Variants in DMD observed in about 807,000 individuals in gnomAD.
The protein encoded by DMD is mutant dystrophin.
Under a neutral mutation model 330.1 loss-of-function variants are expected in DMD, and 63 were observed. The ratio of observed to expected loss-of-function variants is 0.19; its 90% CI spans 0.16 to 0.24. The LOEUF (loss-of-function observed/expected upper bound fraction) is 0.24, where lower values mean the gene tolerates loss of function less well. Ranked by LOEUF, DMD falls within the 10% of genes least tolerant of loss-of-function variation. DMD has a pLI of 1.00. For missense variants in DMD, 3,344 were observed against 2,684.1 expected, an observed-to-expected ratio of 1.25 and a Z score of -5.43; for synonymous variants, 1,223 against 959.8, an observed-to-expected ratio of 1.27 and a Z score of -5.07.
chrX:31,258,740 A>T (rs1230424075), intron 63 of DMD, among the ~76,000 whole-genome samples: 2 of 112,008 alleles, frequency 1.8e-5, no homozygotes, highest in Non-Finnish European at 3.8e-5. Flanking sequence ...TTATCACCAC[A>T]TCTAAAGTAT....
chrX:32,292,302 C>CTTTTT lies in DMD; in HGVS notation c.6118-4606_6118-4602dup, dbSNP rs10652780. Among the ~76,000 whole-genome samples, 29 of 62,903 alleles carry CTTTTT rather than the reference C, an allele frequency of 4.6e-4. 1 individual carries two copies. Among genetic ancestry groups the CTTTTT allele is most frequent in the African/African-American group, 1.3e-3 (19 of 14,271 alleles). The allele number at this position is 62,903 out of a possible 115,157, so 54.6% of individuals were successfully genotyped here. A position where few individuals can be genotyped will look rare whatever the true frequency, so the allele number is the denominator to read the frequency against. On this transcript the variant is annotated intron_variant, in intron 42 of 78. Coordinates refer to ENST00000357033, the MANE Select transcript of DMD (RefSeq NM_004006.3). The stretch of plus-strand genomic sequence containing the variant: ...AACAAATATCAACAAAGGGAATATT[C>CTTTTT]TTTTTTTTTTTTTTTTGAGATGGAG...
intron 43 of DMD, among the ~76,000 whole-genome samples, chrX:32,257,698 G>A (rs995790116): frequency 1.8e-5 from 2 of 111,025 alleles, no homozygotes; most frequent in African/African-American, 6.5e-5. Flanking sequence ...ACCTAAAACC[G>A]AAAACCATCA....
chrX:31,557,531 A>G (rs762927317), intron 55 of DMD, among the ~76,000 whole-genome samples: 2 of 111,821 alleles, frequency 1.8e-5, no homozygotes, highest in South Asian at 3.8e-4. Context: ...TGTCTCCCCA[A>G]CTACACTCTA....
chrX:31,392,427 A>G (rs887073141), intron 60 of DMD, among the ~76,000 whole-genome samples: 17 of 112,349 alleles, frequency 1.5e-4, no homozygotes, highest in South Asian at 3.7e-4. Flanking sequence ...CCTTTACTAG[A>G]AGTTAAAGCC....
At chrX:32,474,099 T>C (rs765289344) in intron 21 of DMD, among the ~76,000 whole-genome samples, 2 of 111,029 alleles carry the variant, frequency 1.8e-5, no homozygotes, top group Non-Finnish European at 3.8e-5. Flanking sequence ...CATTCCTGAG[T>C]TACTTCACTT....
chrX:32,752,510 A>G (rs185116773), intron 7 of DMD, among the ~76,000 whole-genome samples: 2 of 106,596 alleles, frequency 1.9e-5, no homozygotes, highest in African/African-American at 3.4e-5. Flanking sequence ...TCTGCTTTTG[A>G]TTTTATAGGC....
chrX:31,135,026 TAAAAACAA>T (rs760338834), intron 76 of DMD, among the ~76,000 whole-genome samples: 2,126 of 110,862 alleles, frequency 0.019, 43 homozygotes, highest in African/African-American at 0.057. Context: ...TGTCTCTATT[TAAAAACAA>T]AAAAACAAAA....
intron 33 of DMD, among the ~76,000 whole-genome samples, chrX:32,384,201 A>T (rs748458490): frequency 9.1e-6 from 1 of 110,408 alleles, no homozygotes; most frequent in East Asian, 2.8e-4. Context: ...TCTCTAATAC[A>T]TTTGAGACTA....
intron 52 of DMD, among the ~76,000 whole-genome samples, chrX:31,714,513 T>A (rs1275395151): frequency 1.8e-5 from 2 of 111,709 alleles, no homozygotes; most frequent in East Asian, 2.8e-4. Flanking sequence ...AGGATGCCAA[T>A]TCTGGTTTTA....
chrX:32,416,288 T>G (rs1369993755), intron 29 of DMD, among the ~76,000 whole-genome samples: 1 of 112,351 alleles, frequency 8.9e-6, no homozygotes, highest in African/African-American at 3.2e-5. Flanking sequence ...ACTGCATTTA[T>G]GAGGTGATGG....
At chrX:31,822,149 T>A (rs941851323) in intron 49 of DMD, among the ~76,000 whole-genome samples, 12 of 111,646 alleles carry the variant, frequency 1.1e-4, no homozygotes, top group African/African-American at 3.9e-4. Flanking sequence ...TAGGAAAAAA[T>A]AATGATTTCA....
chrX:31,206,284 A>G (rs753569267), intron 66 of DMD, among the ~76,000 whole-genome samples: 3 of 112,646 alleles, frequency 2.7e-5, no homozygotes, highest in Non-Finnish European at 5.6e-5. Flanking sequence ...ACTTACAGAA[A>G]GAGGTTAGAA....
intron 17 of DMD, among the ~76,000 whole-genome samples, chrX:32,521,576 T>C (rs1412971705): frequency 1.8e-5 from 2 of 112,483 alleles, no homozygotes; most frequent in South Asian, 3.7e-4. Flanking sequence ...CTGATATGTA[T>C]ATCTCTAATT....
intron 1 of DMD, among the ~76,000 whole-genome samples, chrX:33,235,942 A>G (rs1468607799): frequency 5.8e-5 from 6 of 103,165 alleles, no homozygotes; most frequent in East Asian, 5.9e-4. Flanking sequence ...ATGAGACGGA[A>G]TCTGGCTCAG....
Position 33,033,554 on chromosome X carries a change from C to CAAAAAAAAAAAAAAAAAAAAAA in DMD, c.32-13355_32-13354insTTTTTTTTTTTTTTTTTTTTTT, listed in dbSNP as rs775790760. The stretch of plus-strand genomic sequence containing the variant: ...TGAAACCCCGTCTCTACTAAAAATA[C>CAAAAAAAAAAAAAAAAAAAAAA]AAAAAAAAAAAAAAACTAGCCGGGC... On this transcript the variant is annotated intron_variant, in intron 1 of 78. Coordinates refer to ENST00000357033, the MANE Select transcript of DMD (RefSeq NM_004006.3). Among the ~76,000 whole-genome samples, 75 of 74,471 alleles carry CAAAAAAAAAAAAAAAAAAAAAA rather than the reference C, an allele frequency of 1.0e-3. 3 individuals are homozygous for CAAAAAAAAAAAAAAAAAAAAAA. The highest frequency in any genetic ancestry group is 3.3e-3 in the African/African-American group (59 of 17,781). 64.7% of individuals were successfully genotyped at this position (74,471 alleles called of 115,157 possible).
chrX:31,182,715 AT>A lies in DMD; in HGVS notation c.9974+22del, dbSNP rs3833412. ...TGAAAAATGATGAGAAAAAAATGAC[AT>A]TTTTTTTTTGGTTCCTAATACCTGA... On this transcript the variant is annotated intron_variant, in intron 68 of 78. Coordinates refer to ENST00000357033, the MANE Select transcript of DMD (RefSeq NM_004006.3). 92,960 of 1,030,666 alleles carry A rather than the reference AT, an allele frequency of 0.09. 2,930 individuals are homozygous for A. The highest frequency in any genetic ancestry group is 0.21 in the East Asian group (6,491 of 30,359). 84.9% of individuals were successfully genotyped at this position (1,030,666 alleles called of 1,213,427 possible).
At chrX:31,775,766 G>A (rs2090617547) in intron 50 of DMD, among the ~76,000 whole-genome samples, 1 of 111,282 alleles carries the variant, frequency 9.0e-6, no homozygotes, top group African/African-American at 3.3e-5. Flanking sequence ...TGCTTTTAAG[G>A]TTGTCTCCTC....
intron 78 of DMD, among the ~76,000 whole-genome samples, chrX:31,123,813 C>T (rs2033197468): frequency 8.9e-6 from 1 of 111,971 alleles, no homozygotes; most frequent in African/African-American, 3.2e-5. Context: ...AAACATATTA[C>T]AAAACATCAA....
intron 63 of DMD, among the ~76,000 whole-genome samples, chrX:31,232,768 C>T (rs1375948116): frequency 1.8e-5 from 2 of 111,514 alleles, no homozygotes; most frequent in South Asian, 3.8e-4. Context: ...CACACCAGGG[C>T]GCATGAGGAG....
Sources: gnomAD v4.1 joint callset for allele counts (sites outside exome capture counted in the v4.1 genomes callset) on GRCh38, gnomAD v4.1.1 for gene constraint, MANE v1.5 for transcripts, NCBI Gene and HGNC (gene_info 2026-07-23, HGNC 2026-07-21) for gene names.